Variants in ANKDD1A observed in about 807,000 individuals in gnomAD.
ANKDD1A encodes the protein ankyrin repeat and death domain-containing protein 1A.
In ANKDD1A, 59 loss-of-function variants were observed where a neutral mutation model predicts 63.5. The observed-to-expected ratio is 0.93, with a 90% CI of 0.75 to 1.15. The LOEUF (loss-of-function observed/expected upper bound fraction) is 1.15, where lower values mean the gene tolerates loss of function less well. Ranked by LOEUF, ANKDD1A falls within the 50% of genes most tolerant of loss-of-function variation. The pLI, the probability that ANKDD1A is intolerant of heterozygous loss-of-function variation, is 0.00. For missense variants in ANKDD1A, 632 were observed against 656.4 expected, an observed-to-expected ratio of 0.96 and a Z score of 0.41; for synonymous variants, 266 against 263.9, an observed-to-expected ratio of 1.01 and a Z score of -0.08.
intron 1 of ANKDD1A, among the ~76,000 whole-genome samples, chr15:64,912,242 C>T (rs1595844174): frequency 6.6e-6 from 1 of 152,212 alleles, no homozygotes; most frequent in East Asian, 1.9e-4. Flanking sequence ...TCCTTGACTG[C>T]GTGCTGTACT....
At chr15:64,952,114 TCTTTCTTCTC>T (rs1218510596) in intron 14 of ANKDD1A, among the ~76,000 whole-genome samples, 8 of 14,908 alleles carry the variant, frequency 5.4e-4, no homozygotes, top group Non-Finnish European at 3.4e-3. Context: ...CTTTTCTTCT[TCTTTCTTCTC>T]TTTCTTCTTC....
chr15:64,947,285 C>T, intron 12 of ANKDD1A, 119 bp from the exon 13 acceptor site: 1 of 1,033,408 alleles, frequency 9.7e-7, no homozygotes, highest in Non-Finnish European at 1.4e-6. Context: ...CCCTTGCTGA[C>T]TCCAGCTCCC....
chr15:64,952,441 T>C (rs1156704973), intron 14 of ANKDD1A, among the ~76,000 whole-genome samples: 5 of 146,228 alleles, frequency 3.4e-5, no homozygotes, highest in African/African-American at 1.3e-4. Context: ...TCCTCCTCCT[T>C]TCTTCTTCTT....
chr15:64,927,025 T>C (rs750587502), intron 6 of ANKDD1A, 26 bp downstream of exon 6: 1 of 1,613,032 alleles, frequency 6.2e-7, no homozygotes, highest in Non-Finnish European at 8.5e-7. Context: ...GGCTCTGGGA[T>C]CCTGACCAGG....
chr15:64,954,372 TC>T (rs2085383289), intron 14 of ANKDD1A, among the ~76,000 whole-genome samples: 43 of 16,442 alleles, frequency 2.6e-3, no homozygotes, highest in East Asian at 0.024. Flanking sequence ...TCCTTCTTCT[TC>T]CTTTTCTTTT....
At chr15:64,922,435 C>A (rs2140367331) in intron 4 of ANKDD1A, 1 of 159,534 alleles carries the variant, frequency 6.3e-6, no homozygotes, top group South Asian at 1.9e-4. Flanking sequence ...AGCAGGGCCC[C>A]AGCAAGTGAG....
intron 14 of ANKDD1A, among the ~76,000 whole-genome samples, chr15:64,952,148 TTCCTC>T (rs2085299972): frequency 6.7e-6 from 1 of 150,288 alleles, no homozygotes; most frequent in Non-Finnish European, 1.5e-5. Context: ...CTTATTCTTC[TTCCTC>T]TTTCTTCATC....
intron 1 of ANKDD1A, among the ~76,000 whole-genome samples, chr15:64,914,986 G>A (rs2084958490): frequency 6.6e-6 from 1 of 152,136 alleles, no homozygotes; most frequent in South Asian, 2.1e-4. Context: ...TGGGCAGGTG[G>A]AAGCTGGTTA....
At chr15:64,933,803 T>C (rs892331005) in intron 8 of ANKDD1A, among the ~76,000 whole-genome samples, 10 of 1,330 alleles carry the variant, frequency 7.5e-3, no homozygotes, top group Admixed American at 0.026. Context: ...GATTGTGCCA[T>C]GTACTCCAGC....
At chr15:64,913,047 C>G (rs187509361) in intron 1 of ANKDD1A, among the ~76,000 whole-genome samples, 6 of 152,256 alleles carry the variant, frequency 3.9e-5, no homozygotes, top group African/African-American at 1.4e-4. Flanking sequence ...AGAGATGAGA[C>G]TGGACTTGAT....
intron 8 of ANKDD1A, among the ~76,000 whole-genome samples, 186 bp from the exon 9 acceptor site, chr15:64,933,950 A>G (rs903525568): frequency 6.6e-6 from 1 of 152,180 alleles, no homozygotes; most frequent in African/African-American, 2.4e-5. Context: ...GACTGAGACC[A>G]TAATGAGTTC....
chr15:64,941,287 G>T (rs115593155), intron 9 of ANKDD1A, among the ~76,000 whole-genome samples: 1 of 152,150 alleles, frequency 6.6e-6, no homozygotes, highest in Non-Finnish European at 1.5e-5. Flanking sequence ...TTGCGGGGGA[G>T]CGGTGTCCTA....
At chr15:64,925,987 T>C (rs2085043471) in intron 4 of ANKDD1A, 79 bp from the exon 5 acceptor site, 3 of 1,305,318 alleles carry the variant, frequency 2.3e-6, no homozygotes, top group Admixed American at 2.0e-5. Flanking sequence ...TCCCAAACAC[T>C]CGCTGTTTGG....
intron 14 of ANKDD1A, among the ~76,000 whole-genome samples, chr15:64,952,957 TCCTC>T (rs2085326548): frequency 1.9e-4 from 4 of 21,590 alleles, no homozygotes; most frequent in Admixed American, 1.6e-3. Context: ...TTCTCTTTCT[TCCTC>T]TTCTTCTTTT....
chr15:64,951,690 C>CTTATT (rs2085282799), intron 14 of ANKDD1A, among the ~76,000 whole-genome samples: 2 of 5,524 alleles, frequency 3.6e-4, no homozygotes, highest in Non-Finnish European at 4.0e-3. Flanking sequence ...CTTTCTTCTT[C>CTTATT]CTCTTCTTCT....
intron 1 of ANKDD1A, among the ~76,000 whole-genome samples, chr15:64,915,015 T>C (rs950022113): frequency 6.6e-6 from 1 of 151,580 alleles, no homozygotes; most frequent in Admixed American, 6.6e-5. Context: ...GCAAGAGTGA[T>C]TGGAAGAGGC....
rs751753441 is a variant in ANKDD1A at position 64,917,413 on chromosome 15, G to T, written c.166G>T (p.Ala56Ser). Residue 56 changes from alanine (A) to serine (S), a missense_variant, in exon 3 of 15, where the codon GCA (alanine) becomes TCA (serine). Transcript: ENST00000319580. Reference protein sequence around the residue: ...HVGRVALHWAAGAGHEQAVRL... With the variant: ...HVGRVALHWASGAGHEQAVRL... ...GGGCAGGGTGGCCCTGCACTGGGCT[G>T]CAGGTGCAGGGCACGAGCAGGCTGT... is the stretch of plus-strand genomic sequence containing the variant. 2 of 1,611,222 alleles carry T rather than the reference G, an allele frequency of 1.2e-6. No homozygotes were observed. The highest frequency in any genetic ancestry group is 1.7e-6 in the Non-Finnish European group (2 of 1,179,352).
At position 64,943,549 on chromosome 15, in the gene ANKDD1A, C is replaced by T. The variant is rs1166983805; in HGVS notation, c.1032C>T (p.Leu344=). 1 of 1,614,198 alleles carries T rather than the reference C, an allele frequency of 6.2e-7. No individual in the cohort carries two copies. The highest frequency in any genetic ancestry group is 8.5e-7 in the Non-Finnish European group (1 of 1,180,036). The change falls in exon 11 of 15, where the codon CTC becomes CTT. Residue 344 remains leucine, a synonymous_variant. Coordinates refer to ENST00000319580, the MANE Select transcript of ANKDD1A (RefSeq NM_182703.6). ...HAWQDIADML[L]IAGVDLNLRD... is the part of the protein sequence containing the mutation. The stretch of plus-strand genomic sequence containing the variant: ...GGCAGGACATAGCAGATATGCTCCT[C>T]ATTGCTGGGGTTGACTTAAACCTGA...
rs2084934561 is a variant in ANKDD1A, at chr15:64,911,980, G to A, written c.34+16G>A. 5.5e-6 allele frequency: 3 copies of A among 540,872 alleles called. No homozygotes were observed. Among genetic ancestry groups the A allele is most frequent in the Admixed American group, 9.3e-5 (2 of 21,558 alleles). The allele number at this position is 540,872 out of a possible 1,614,324, so 33.5% of individuals were successfully genotyped here. ...ACCGACGGCCGTGAGTCTGCCTGGA[G>A]GAGGGAGGGGGGCGGGCCGAGGCCG... is the stretch of plus-strand genomic sequence containing the variant. On this transcript the variant is annotated intron_variant, in intron 1 of 14. Coordinates refer to ENST00000319580, the MANE Select transcript of ANKDD1A (RefSeq NM_182703.6).
Sources: gnomAD v4.1 joint callset for allele counts (sites outside exome capture counted in the v4.1 genomes callset) on GRCh38, gnomAD v4.1.1 for gene constraint, MANE v1.5 for transcripts, NCBI Gene and HGNC (gene_info 2026-07-23, HGNC 2026-07-21) for gene names.